The following CTNNA2 variants were observed in gnomAD, a reference collection of about 807,000 sequenced individuals.
CTNNA2 encodes catenin alpha-2.
Under a neutral mutation model 101.0 loss-of-function variants are expected in CTNNA2, and 42 were observed. The ratio of observed to expected loss-of-function variants is 0.42; its 90% CI spans 0.32 to 0.54. CTNNA2 has a LOEUF of 0.54. Among genes scored for constraint, CTNNA2 ranks in the 20% least tolerant of loss-of-function variants. The pLI is 0.14. For synonymous variants in CTNNA2, 450 were observed against 456.4 expected, an observed-to-expected ratio of 0.99 and a Z score of 0.18; for missense variants, 871 against 1,223.1, an observed-to-expected ratio of 0.71 and a Z score of 4.29.
chr2:80,066,413 T>C (rs1697990447), intron 7 of CTNNA2, among the ~76,000 whole-genome samples: 1 of 151,720 alleles, frequency 6.6e-6, no homozygotes, highest in African/African-American at 2.4e-5. Flanking sequence ...AATAACCCAA[T>C]TACAAAGTAG....
intron 1 of CTNNA2, among the ~76,000 whole-genome samples, chr2:79,639,698 A>C (rs1052912889): frequency 6.6e-6 from 1 of 152,134 alleles, no homozygotes; most frequent in Non-Finnish European, 1.5e-5. Context: ...GTTGAATGGG[A>C]TTCAAATTAT....
At chr2:80,158,448 A>G (rs1212788160) in intron 7 of CTNNA2, among the ~76,000 whole-genome samples, 2 of 152,176 alleles carry the variant, frequency 1.3e-5, no homozygotes, top group South Asian at 2.1e-4. Flanking sequence ...CAATATTCCA[A>G]CCAAGATGTT....
At chr2:79,820,049 C>G (rs760825498) in intron 3 of CTNNA2, among the ~76,000 whole-genome samples, 1 of 151,774 alleles carries the variant, frequency 6.6e-6, no homozygotes, top group Non-Finnish European at 1.5e-5. Flanking sequence ...ACATATTTGT[C>G]TGTATATGAC....
chr2:80,477,668 T>C (rs2149494361), intron 9 of CTNNA2, among the ~76,000 whole-genome samples: 1 of 152,126 alleles, frequency 6.6e-6, no homozygotes, highest in South Asian at 2.1e-4. Context: ...TCCACCCAAG[T>C]TTCTGCAAAA....
At chr2:79,308,437 C>A (rs1293036060) in intron 2 of CTNNA2, among the ~76,000 whole-genome samples, 2 of 152,300 alleles carry the variant, frequency 1.3e-5, no homozygotes, top group East Asian at 1.9e-4. Context: ...CAAATACTTT[C>A]TCCCATTTTG....
chr2:80,583,692 G>A (rs1410552238), intron 14 of CTNNA2, among the ~76,000 whole-genome samples: 1 of 152,100 alleles, frequency 6.6e-6, no homozygotes, highest in Non-Finnish European at 1.5e-5. Context: ...GGCATGAACA[G>A]TCCCACTTTT....
At chr2:79,406,160 A>G (rs904839677) in intron 4 of CTNNA2, among the ~76,000 whole-genome samples, 1 of 152,100 alleles carries the variant, frequency 6.6e-6, no homozygotes, top group Non-Finnish European at 1.5e-5. Context: ...GATACTTTAC[A>G]GAGTCCAAAG....
intron 4 of CTNNA2, among the ~76,000 whole-genome samples, chr2:79,443,324 C>T (rs1262909783): frequency 6.6e-6 from 1 of 152,046 alleles, no homozygotes; most frequent in Admixed American, 6.6e-5. Context: ...CAAGAACCAG[C>T]AGAACTGATG....
At chr2:79,736,831 C>G (rs79694245) in intron 2 of CTNNA2, among the ~76,000 whole-genome samples, 9,168 of 152,200 alleles carry the variant, frequency 0.06, 534 homozygotes, top group African/African-American at 0.15. Flanking sequence ...TCTAGCAAAA[C>G]AATGCCCAAA....
At chr2:80,160,801 G>T (rs888299325) in intron 7 of CTNNA2, among the ~76,000 whole-genome samples, 2 of 151,350 alleles carry the variant, frequency 1.3e-5, no homozygotes, top group African/African-American at 4.9e-5. Flanking sequence ...AGAACACTAT[G>T]TTGAATAAAA....
chr2:79,927,998 T>A (rs935772722), intron 7 of CTNNA2, among the ~76,000 whole-genome samples: 16 of 152,198 alleles, frequency 1.1e-4, no homozygotes, highest in African/African-American at 1.2e-4. Context: ...TAAAAAAAAA[T>A]TATTTCTTTG....
chr2:80,021,340 T>C (rs948711231), intron 7 of CTNNA2, among the ~76,000 whole-genome samples: 5 of 152,114 alleles, frequency 3.3e-5, no homozygotes, highest in Non-Finnish European at 7.4e-5. Context: ...TTTTTATCTG[T>C]GAATGTATAT....
chr2:80,119,778 A>C (rs1456304648), intron 7 of CTNNA2, among the ~76,000 whole-genome samples: 1 of 152,172 alleles, frequency 6.6e-6, no homozygotes, highest in African/African-American at 2.4e-5. Context: ...GGGAGGAGAG[A>C]TTAAAAAGTT....
chr2:79,727,709 T>C (rs1478256912), intron 2 of CTNNA2, among the ~76,000 whole-genome samples: 1 of 145,762 alleles, frequency 6.9e-6, no homozygotes, highest in Non-Finnish European at 1.5e-5. Flanking sequence ...GTATATCTCC[T>C]AAAGCTATCC....
At chr2:79,352,568 T>G (rs1677415710) in intron 3 of CTNNA2, among the ~76,000 whole-genome samples, 1 of 152,190 alleles carries the variant, frequency 6.6e-6, no homozygotes, top group African/African-American at 2.4e-5. Context: ...GTATGGATTT[T>G]TGTGTCTCAA....
At chr2:79,653,579 G>A (rs1040414012) in intron 2 of CTNNA2, among the ~76,000 whole-genome samples, 7 of 152,020 alleles carry the variant, frequency 4.6e-5, no homozygotes, top group Non-Finnish European at 8.8e-5. Context: ...ATCCTTATAT[G>A]GCACTAGGAA....
intron 1 of CTNNA2, among the ~76,000 whole-genome samples, chr2:79,575,002 G>A (rs1289291871): frequency 5.9e-5 from 9 of 152,044 alleles, no homozygotes; most frequent in African/African-American, 1.4e-4. Context: ...TGTTGGTTTC[G>A]TGTATGTCTT....
At chr2:79,661,241 T>C (rs6747358) in intron 2 of CTNNA2, among the ~76,000 whole-genome samples, 6,104 of 152,286 alleles carry the variant, frequency 0.04, 386 homozygotes, top group African/African-American at 0.14. Flanking sequence ...CCCTTCTTAT[T>C]AGCCTAGGGA....
At chr2:79,343,988 C>T (rs1044502107) in intron 3 of CTNNA2, among the ~76,000 whole-genome samples, 1 of 152,126 alleles carries the variant, frequency 6.6e-6, no homozygotes, top group Non-Finnish European at 1.5e-5. Flanking sequence ...ACCAATGAGG[C>T]TCCTGGCCAC....
Sources: gnomAD v4.1 joint callset for allele counts (sites outside exome capture counted in the v4.1 genomes callset) on GRCh38, gnomAD v4.1.1 for gene constraint, MANE v1.5 for transcripts, NCBI Gene and HGNC (gene_info 2026-07-23, HGNC 2026-07-21) for gene names.